The following GOLPH3 variants were observed in gnomAD, a reference collection of about 807,000 sequenced individuals.
The protein encoded by GOLPH3 is golgi phosphoprotein 3, also known as coat protein GPP34.
A neutral mutation model predicts 28.5 loss-of-function variants in GOLPH3; 14 were observed. The ratio of observed to expected loss-of-function variants is 0.49; its 90% CI spans 0.32 to 0.77. The LOEUF (loss-of-function observed/expected upper bound fraction) is 0.77. Ranked by LOEUF, GOLPH3 falls within the 30% of genes least tolerant of loss-of-function variation. GOLPH3 has a pLI of 0.03. For synonymous variants in GOLPH3, 158 were observed against 159.2 expected (o/e 0.99, Z 0.06); for missense variants, 350 against 393.7 (o/e 0.89, Z 0.94).
chr5:32,129,580 G>T (rs1382195800), intron 3 of GOLPH3, among the ~76,000 whole-genome samples: 1 of 152,064 alleles, frequency 6.6e-6, no homozygotes, highest in East Asian at 1.9e-4. Flanking sequence ...GAAGAAAATG[G>T]GAATAGGGCC....
chr5:32,161,533 T>C (rs1408488797), intron 1 of GOLPH3, among the ~76,000 whole-genome samples: 1 of 150,992 alleles, frequency 6.6e-6, no homozygotes, highest in Non-Finnish European at 1.5e-5. Flanking sequence ...ATTTGGAGCA[T>C]CAAGGCGTAA....
intron 3 of GOLPH3, among the ~76,000 whole-genome samples, chr5:32,134,474 A>C (rs543497081): frequency 6.6e-6 from 1 of 151,196 alleles, no homozygotes; most frequent in Non-Finnish European, 1.5e-5. Context: ...CTCCCAAAGT[A>C]CTGGGATTAC....
intron 1 of GOLPH3, among the ~76,000 whole-genome samples, chr5:32,161,092 A>AC (rs1746564399): frequency 7.7e-6 from 1 of 129,792 alleles, no homozygotes; most frequent in Non-Finnish European, 1.7e-5. Context: ...AAAAAAAAAA[A>AC]ATTGGGTGGC....
intron 1 of GOLPH3, among the ~76,000 whole-genome samples, chr5:32,165,908 C>T (rs1414583080): frequency 5.9e-5 from 9 of 152,296 alleles, no homozygotes; most frequent in Non-Finnish European, 4.4e-5. Context: ...AAATTCAACT[C>T]GCTACAACCC....
chr5:32,144,669 C>G (rs1015338924), intron 1 of GOLPH3, among the ~76,000 whole-genome samples: 22 of 152,098 alleles, frequency 1.4e-4, no homozygotes, highest in African/African-American at 4.8e-4. Context: ...TGGCTATAGG[C>G]CTAAAATTCT....
intron 1 of GOLPH3, among the ~76,000 whole-genome samples, chr5:32,145,907 G>T (rs990289596): frequency 6.6e-6 from 1 of 152,162 alleles, no homozygotes; most frequent in African/African-American, 2.4e-5. Flanking sequence ...AAAGATAAAT[G>T]AAGCCAACAA....
chr5:32,136,311 C>T (rs1745931004), intron 2 of GOLPH3, among the ~76,000 whole-genome samples: 1 of 151,918 alleles, frequency 6.6e-6, no homozygotes, highest in East Asian at 1.9e-4. Flanking sequence ...GAAACCCCAT[C>T]TCTACTAAAA....
intron 1 of GOLPH3, among the ~76,000 whole-genome samples, chr5:32,154,173 A>G (rs146146489): frequency 4.0e-4 from 61 of 152,326 alleles, no homozygotes; most frequent in African/African-American, 1.4e-3. Flanking sequence ...AAAAGAAAAG[A>G]GCCCATACCT....
At chr5:32,152,361 G>A (rs1432415969) in intron 1 of GOLPH3, among the ~76,000 whole-genome samples, 5 of 149,394 alleles carry the variant, frequency 3.3e-5, no homozygotes, top group Non-Finnish European at 5.9e-5. Context: ...TCCTGACCGC[G>A]TGATCCGCCC....
chr5:32,126,137 A>G lies in GOLPH3; in HGVS notation c.*75T>C. ...TATAGTGTGGGAAAGTACAAATTAC[A>G]GAAAACCAGAAGTCAACAGAAGAAA... On this transcript the variant is annotated 3_prime_UTR_variant, in exon 4 of 4. Transcript: ENST00000265070. The G allele has an allele frequency of 7.0e-7, 1 of 1,431,394 alleles. No individual in the cohort carries two copies. Among genetic ancestry groups the G allele is most frequent in the Non-Finnish European group, 9.5e-7 (1 of 1,053,668 alleles). 88.7% of individuals were successfully genotyped at this position (1,431,394 alleles called of 1,614,324 possible).
chr5:32,153,038 T>C (rs1746343776), intron 1 of GOLPH3, among the ~76,000 whole-genome samples: 1 of 152,206 alleles, frequency 6.6e-6, no homozygotes, highest in Admixed American at 6.5e-5. Flanking sequence ...GTTATTGTGA[T>C]ATTATCTGTA....
At chr5:32,141,835 C>G (rs923655007) in intron 2 of GOLPH3, among the ~76,000 whole-genome samples, 2 of 151,946 alleles carry the variant, frequency 1.3e-5, no homozygotes, top group Non-Finnish European at 2.9e-5. Context: ...AGCTCCTAAC[C>G]GCGAGTGATC....
chr5:32,130,420 T>C (rs1327710143), intron 3 of GOLPH3, among the ~76,000 whole-genome samples: 2 of 152,214 alleles, frequency 1.3e-5, no homozygotes, highest in African/African-American at 4.8e-5. Context: ...AATTTGTTGT[T>C]ATCAAAGAAG....
chr5:32,141,937 G>A (rs1409509073), intron 2 of GOLPH3, among the ~76,000 whole-genome samples: 2 of 151,938 alleles, frequency 1.3e-5, no homozygotes, highest in African/African-American at 4.8e-5. Flanking sequence ...GCGCAGTGGC[G>A]TGATCTCGGC....
intron 2 of GOLPH3, among the ~76,000 whole-genome samples, chr5:32,139,090 C>G (rs114877813): frequency 0.015 from 2,310 of 152,320 alleles, 39 homozygotes; most frequent in Non-Finnish European, 0.024. Flanking sequence ...TTATGAAGTT[C>G]TGTCCTCTAA....
chr5:32,163,771 A>T (rs1056491398), intron 1 of GOLPH3, among the ~76,000 whole-genome samples: 1 of 152,166 alleles, frequency 6.6e-6, no homozygotes, highest in Non-Finnish European at 1.5e-5. Context: ...ATAAATACTA[A>T]ATAACCTCTA....
Position 32,126,419 on chromosome 5 carries a change from G to C in GOLPH3, c.690C>G (p.His230Gln). ...AVLDKWVNDP[H>Q]RMDRRLLALI... is the part of the protein sequence containing the mutation. ...GGGCCAGCAAGCGCCTGTCCATGCG[G>C]TGAGGGTCATTCACCCATTTGTCAA... The change falls in exon 4 of 4, where the codon CAC (histidine) becomes CAG (glutamine). Residue 230 changes from histidine (H) to glutamine (Q), a missense_variant. His to Gln is a conservative substitution (Grantham distance 24). Transcript: ENST00000265070. 6.2e-7 allele frequency: 1 copy of C among 1,614,224 alleles called. No homozygotes were observed. The highest frequency in any genetic ancestry group is 1.6e-4 in the Middle Eastern group (1 of 6,062).
At chr5:32,142,013 G>A (rs1276547912) in intron 2 of GOLPH3, among the ~76,000 whole-genome samples, 11 of 152,180 alleles carry the variant, frequency 7.2e-5, no homozygotes, top group African/African-American at 2.7e-4. Context: ...TGCAGCCTCT[G>A]CCCGGCCGCC....
intron 3 of GOLPH3, among the ~76,000 whole-genome samples, chr5:32,128,335 G>C (rs182083926): frequency 2.4e-4 from 37 of 152,282 alleles, no homozygotes; most frequent in Non-Finnish European, 5.0e-4. Context: ...CAGTCCTAGA[G>C]TATAGACCAC....
Sources: allele counts gnomAD v4.1 joint callset (sites outside exome capture counted in the v4.1 genomes callset), GRCh38; gene constraint gnomAD v4.1.1; transcripts MANE v1.5; gene names NCBI Gene and HGNC (gene_info 2026-07-23, HGNC 2026-07-21).